Variants in PRMT8 observed in about 807,000 individuals in gnomAD.
PRMT8 encodes the protein protein arginine N-methyltransferase 8.
A neutral mutation model predicts 47.1 loss-of-function variants in PRMT8; 7 were observed. The ratio of observed to expected loss-of-function variants is 0.15; its 90% CI spans 0.08 to 0.28. PRMT8 has a LOEUF of 0.28. Ranked by LOEUF, PRMT8 falls within the 10% of genes least tolerant of loss-of-function variation. The probability of loss-of-function intolerance (pLI) is 1.00; values close to 1 mark genes in which losing one functional copy is unlikely to be tolerated. For missense variants in PRMT8, 237 were observed against 505.4 expected (o/e 0.47, Z 5.09); for synonymous variants, 188 against 186.5 (o/e 1.01, Z -0.07).
chr12:3,506,781 C>T (rs763204567), intron 1 of PRMT8, among the ~76,000 whole-genome samples: 1 of 152,202 alleles, frequency 6.6e-6, no homozygotes, highest in Non-Finnish European at 1.5e-5. Context: ...ACACACCACT[C>T]AAGCCTTGCT....
chr12:3,454,745 C>T (rs1331710169), intron 1 of PRMT8, among the ~76,000 whole-genome samples: 3 of 152,272 alleles, frequency 2.0e-5, no homozygotes, highest in South Asian at 2.1e-4. Flanking sequence ...GGTCGGCCTG[C>T]GCTCCCACCT....
At chr12:3,448,697 C>T (rs772255460) in intron 1 of PRMT8, among the ~76,000 whole-genome samples, 11 of 152,230 alleles carry the variant, frequency 7.2e-5, no homozygotes, top group Non-Finnish European at 7.4e-5. Context: ...AAATGAAAAC[C>T]ACCGTTTTTT....
intron 4 of PRMT8, among the ~76,000 whole-genome samples, chr12:3,553,925 C>T (rs1012252269): frequency 2.6e-5 from 4 of 152,200 alleles, no homozygotes; most frequent in African/African-American, 7.2e-5. Flanking sequence ...ACCCCCTCTC[C>T]GCTTTTGGCA....
In PRMT8 at chr12:3,589,267, GA is replaced by G. The variant is rs1254460740; in HGVS notation, c.980-2963del. ...ACTGGAACTGTCCCAGGCACAGCAG[GA>G]GGTTTGATCACCCTTAGTCTATGAT... On this transcript the variant is annotated intron_variant, in intron 8 of 9. Transcript: ENST00000382622. Among the ~76,000 whole-genome samples, 6 of 152,300 alleles carry G rather than the reference GA, an allele frequency of 3.9e-5. No homozygotes were observed. The South Asian group carries it at 1.2e-3, about 32-fold the overall frequency.
At chr12:3,444,110 G>A (rs1565409088) in intron 1 of PRMT8, among the ~76,000 whole-genome samples, 1 of 152,192 alleles carries the variant, frequency 6.6e-6, no homozygotes, top group Non-Finnish European at 1.5e-5. Flanking sequence ...GGCCAGTGAT[G>A]AGAGGTTCAT....
At chr12:3,487,890 G>A (rs575642247), upstream of PRMT8, among the ~76,000 whole-genome samples, 1 of 152,280 alleles carries the variant, frequency 6.6e-6, no homozygotes, top group East Asian at 1.9e-4. Flanking sequence ...TAGAATTAGA[G>A]GCTTAAAGAA....
At chr12:3,399,575 A>G (rs1371614549) in intron 1 of PRMT8, among the ~76,000 whole-genome samples, 1 of 152,148 alleles carries the variant, frequency 6.6e-6, no homozygotes, top group East Asian at 1.9e-4. Context: ...AGAAAACCAT[A>G]TCAGGAATAT....
intron 1 of PRMT8, among the ~76,000 whole-genome samples, chr12:3,424,170 A>T (rs2137063333): frequency 6.6e-6 from 1 of 152,206 alleles, no homozygotes; most frequent in Admixed American, 6.5e-5. Context: ...GTGTTTGTAA[A>T]CTTCTCCTCA....
In PRMT8 at chr12:3,557,905, G is replaced by A. The variant is rs1297761676; in HGVS notation, c.481+4191G>A. ...CTGAGCCCTGAGAGGCTTCCAAACA[G>A]CACCTAGACCATTCCCCTCCCTCTG... On this transcript the variant is annotated intron_variant, in intron 4 of 9. Coordinates refer to ENST00000382622, the MANE Select transcript of PRMT8 (RefSeq NM_019854.5). The surrounding 1 kb of genome is among the most constrained non-coding windows in gnomAD (Gnocchi z 4.7). Among the ~76,000 whole-genome samples, 1 of 152,102 alleles carries A rather than the reference G, an allele frequency of 6.6e-6. No individual in the cohort carries two copies. Among genetic ancestry groups the A allele is most frequent in the Non-Finnish European group, 1.5e-5 (1 of 68,002 alleles).
At chr12:3,542,364 T>C (rs1220062552) in intron 2 of PRMT8, among the ~76,000 whole-genome samples, 1 of 152,188 alleles carries the variant, frequency 6.6e-6, no homozygotes, top group African/African-American at 2.4e-5. Flanking sequence ...TCAGGGCAGA[T>C]GGATGAACTC....
At chr12:3,497,025 G>A (rs1865521268) in intron 1 of PRMT8, among the ~76,000 whole-genome samples, 1 of 151,694 alleles carries the variant, frequency 6.6e-6, no homozygotes, top group Non-Finnish European at 1.5e-5. Context: ...TTCAGGAGTG[G>A]GTTTCATTTC....
upstream of PRMT8, among the ~76,000 whole-genome samples, chr12:3,486,278 T>C (rs983475598): frequency 1.3e-5 from 2 of 152,200 alleles, no homozygotes; most frequent in Admixed American, 6.5e-5. Context: ...AAGCCATTGA[T>C]TATATTATAT....
intron 1 of PRMT8, among the ~76,000 whole-genome samples, chr12:3,458,392 C>T (rs1864999511): frequency 6.6e-6 from 1 of 152,170 alleles, no homozygotes; most frequent in African/African-American, 2.4e-5. Flanking sequence ...GGTCCATGGG[C>T]CCCAGGGCTC....
rs568731175 is a variant in PRMT8 at position 3,438,398 on chromosome 12, G to A, written c.48+56956G>A. On this transcript the variant is annotated intron_variant, in intron 1 of 9. Transcript: ENST00000452611. ...TCCTTAGGGCACGTGGGGTCGGGCC[G>A]TCAGCCTTGACAGCTTGCTGCCCTC... Among the ~76,000 whole-genome samples, 192 of 152,352 alleles carry A rather than the reference G, an allele frequency of 1.3e-3. 1 individual carries two copies. The highest frequency in any genetic ancestry group is 1.9e-3 in the Non-Finnish European group (126 of 68,030).
At chr12:3,546,099 T>A (rs1285153913) in intron 2 of PRMT8, among the ~76,000 whole-genome samples, 1 of 152,120 alleles carries the variant, frequency 6.6e-6, no homozygotes, top group African/African-American at 2.4e-5. Flanking sequence ...AAATAGCCCA[T>A]GGGTCACAGA....
At chr12:3,416,818 G>A (rs955466102) in intron 1 of PRMT8, among the ~76,000 whole-genome samples, 25 of 152,336 alleles carry the variant, frequency 1.6e-4, no homozygotes, top group East Asian at 9.6e-4. Context: ...GGTCTGGAGA[G>A]ATTAGAAACT....
intron 1 of PRMT8, among the ~76,000 whole-genome samples, chr12:3,474,267 C>T (rs747754000): frequency 2.0e-5 from 3 of 152,206 alleles, no homozygotes; most frequent in Non-Finnish European, 2.9e-5. Context: ...AGCATTTTTG[C>T]TGTGTGACTT....
chr12:3,568,133 T>A (rs759763859), intron 4 of PRMT8, among the ~76,000 whole-genome samples: 1 of 151,714 alleles, frequency 6.6e-6, no homozygotes, highest in African/African-American at 2.4e-5. Flanking sequence ...ATTCTTACCA[T>A]AAAGTAATCC....
chr12:3,387,457 C>T (rs1186200054), intron 1 of PRMT8, among the ~76,000 whole-genome samples: 2 of 152,194 alleles, frequency 1.3e-5, no homozygotes, highest in African/African-American at 4.8e-5. Context: ...GCTCTGATGT[C>T]TCCCTGCTTT....
Sources: allele counts gnomAD v4.1 joint callset (sites outside exome capture counted in the v4.1 genomes callset), GRCh38; gene constraint gnomAD v4.1.1; non-coding constraint Gnocchi (gnomAD v3.1); transcripts MANE v1.5; gene names NCBI Gene and HGNC (gene_info 2026-07-23, HGNC 2026-07-21).